PHF14: variants seen among roughly 807,000 people sequenced by gnomAD.
PHF14 encodes PHD finger protein 14.
A neutral mutation model predicts 117.9 loss-of-function variants in PHF14; 55 were observed. That is an observed-to-expected ratio of 0.47 (90% CI 0.38 to 0.58). PHF14 has a LOEUF of 0.58. Among genes scored for constraint, PHF14 ranks in the 20% least tolerant of loss-of-function variants. The probability of loss-of-function intolerance (pLI) is 0.00; values close to 1 mark genes in which losing one functional copy is unlikely to be tolerated. For missense variants in PHF14, 978 were observed against 1,122.2 expected (o/e 0.87, Z 1.84); for synonymous variants, 409 against 368.6 (o/e 1.11, Z -1.26).
At chr7:11,004,932 G>A (rs1331256583) in intron 4 of PHF14, among the ~76,000 whole-genome samples, 1 of 151,902 alleles carries the variant, frequency 6.6e-6, no homozygotes, top group Non-Finnish European at 1.5e-5. Flanking sequence ...CACAAGAATA[G>A]CTTGAACCTG....
At chr7:11,119,030 G>A (rs1787676448) in intron 17 of PHF14, among the ~76,000 whole-genome samples, 1 of 151,760 alleles carries the variant, frequency 6.6e-6, no homozygotes, top group East Asian at 1.9e-4. Context: ...TCTAAATTAC[G>A]CTTACTACAA....
At chr7:10,989,340 T>C (rs1271094467) in intron 3 of PHF14, among the ~76,000 whole-genome samples, 1 of 151,970 alleles carries the variant, frequency 6.6e-6, no homozygotes, top group Non-Finnish European at 1.5e-5. Context: ...TAAAAGAATA[T>C]AAAAATATAA....
At chr7:11,060,114 C>G (rs897181090) in intron 14 of PHF14, among the ~76,000 whole-genome samples, 1 of 152,160 alleles carries the variant, frequency 6.6e-6, no homozygotes, top group African/African-American at 2.4e-5. Context: ...TAAGCTCAAG[C>G]AGTCTTCCCC....
At chr7:10,989,894 G>T (rs1481507608) in intron 3 of PHF14, among the ~76,000 whole-genome samples, 1 of 152,148 alleles carries the variant, frequency 6.6e-6, no homozygotes, top group African/African-American at 2.4e-5. Flanking sequence ...ACCTCCCACT[G>T]TATTTGGGAT....
intron 17 of PHF14, among the ~76,000 whole-genome samples, chr7:11,117,352 G>A (rs535447784): frequency 2.4e-4 from 36 of 151,774 alleles, no homozygotes; most frequent in African/African-American, 8.7e-4. Context: ...CATTTTTTGA[G>A]TAGTAATAAT....
intron 6 of PHF14, among the ~76,000 whole-genome samples, chr7:11,025,480 CA>C (rs141750548): frequency 0.012 from 1,771 of 152,260 alleles, 37 homozygotes; most frequent in African/African-American, 0.041. Context: ...ATCTATGCAG[CA>C]AACTTCATTG....
chr7:11,031,291 A>G (rs10263081), intron 7 of PHF14, among the ~76,000 whole-genome samples: 1,959 of 152,248 alleles, frequency 0.013, 39 homozygotes, highest in African/African-American at 0.045. Context: ...GCCTTCTGAC[A>G]TAGTCCTTTA....
intron 16 of PHF14, chr7:11,106,654 T>C: frequency 1.0e-6 from 1 of 983,034 alleles, no homozygotes; most frequent in Non-Finnish European, 1.2e-6. Context: ...AAAGAACTCA[T>C]CGCTACCTGT....
At chr7:11,134,962 T>G (rs1788178139) in intron 17 of PHF14, among the ~76,000 whole-genome samples, 1 of 152,102 alleles carries the variant, frequency 6.6e-6, no homozygotes, top group Non-Finnish European at 1.5e-5. Context: ...GCTGATATCT[T>G]TGTCCTCTGG....
At chr7:11,032,071 C>T (rs143114074) in intron 7 of PHF14, among the ~76,000 whole-genome samples, 3,569 of 151,522 alleles carry the variant, frequency 0.024, 52 homozygotes, top group Middle Eastern at 0.065. Context: ...TTGAGATGAG[C>T]CTGGGCAACA....
chr7:11,152,520 T>A lies in PHF14; in HGVS notation c.2773-16896T>A, dbSNP rs1032858358. Among the ~76,000 whole-genome samples, 3 of 152,180 alleles carry A rather than the reference T, an allele frequency of 2.0e-5. No individual in the cohort carries two copies. The East Asian group carries it at 5.8e-4, about 29-fold the overall frequency. On this transcript the variant is annotated intron_variant, in intron 17 of 17. Transcript: ENST00000634607. Reference sequence around the variant, plus strand: ...TAGGAAGTACTCAAAAAGTCAAAATTATTATTTACTTGATTCCCATGCTTC... The same window carrying A: ...TAGGAAGTACTCAAAAAGTCAAAATAATTATTTACTTGATTCCCATGCTTC...
At chr7:11,005,787 CT>C (rs951270672) in intron 4 of PHF14, among the ~76,000 whole-genome samples, 1,110 of 84,434 alleles carry the variant, frequency 0.013, no homozygotes, top group East Asian at 0.069. Flanking sequence ...AGTAAAAATT[CT>C]TTTTTTTTTT....
At chr7:11,034,612 G>A (rs1304884145) in intron 7 of PHF14, among the ~76,000 whole-genome samples, 9 of 139,814 alleles carry the variant, frequency 6.4e-5, no homozygotes, top group Non-Finnish European at 1.2e-4. Flanking sequence ...GCAGTGGCGC[G>A]ATCTCGGTTA....
At chr7:11,124,680 A>C (rs1046135198) in intron 17 of PHF14, among the ~76,000 whole-genome samples, 2 of 152,156 alleles carry the variant, frequency 1.3e-5, no homozygotes, top group African/African-American at 4.8e-5. Flanking sequence ...GTGATATAAC[A>C]GTAATTCAAA....
intron 17 of PHF14, among the ~76,000 whole-genome samples, chr7:11,137,720 G>A (rs56317450): frequency 0.18 from 26,851 of 150,954 alleles, 2,765 homozygotes; most frequent in East Asian, 0.26. Flanking sequence ...CGATTAGGTG[G>A]GATTACAGGC....
chr7:11,122,858 C>T (rs1266927652), intron 17 of PHF14, among the ~76,000 whole-genome samples: 1 of 152,062 alleles, frequency 6.6e-6, no homozygotes, highest in Non-Finnish European at 1.5e-5. Context: ...AAAACATGCT[C>T]CCTTTGTCTT....
intron 16 of PHF14, among the ~76,000 whole-genome samples, chr7:11,077,575 T>C (rs1043527429): frequency 3.1e-5 from 4 of 128,112 alleles, no homozygotes; most frequent in African/African-American, 1.3e-4. Context: ...CACTCCGGCC[T>C]GGCAACAGAG....
chr7:11,028,535 C>T, intron 6 of PHF14, 146 bp from the exon 7 acceptor site: 1 of 691,180 alleles, frequency 1.4e-6, no homozygotes. Context: ...TCTTGGCTCG[C>T]CTATGATTAT....
rs760246906 is a variant in PHF14, at chr7:11,036,467, C to T, written c.1652C>T (p.Ala551Val). 1.9e-6 allele frequency: 3 copies of T among 1,613,682 alleles called. No homozygotes were observed. The highest frequency in any genetic ancestry group is 2.5e-6 in the Non-Finnish European group (3 of 1,179,664). ...LQQYRAKAEL[A>V]RSTRPQAWVP... Reference sequence around the variant, plus strand: ...CAGTATCGTGCCAAAGCAGAACTAGCTCGATCTACCAGACCCCAGGCCTGG... The same window carrying T: ...CAGTATCGTGCCAAAGCAGAACTAGTTCGATCTACCAGACCCCAGGCCTGG... Residue 551 changes from alanine (A) to valine (V), a missense_variant, in exon 9 of 18, where the codon GCT (alanine) becomes GTT (valine). Ala to Val is a moderately conservative substitution (Grantham distance 64). This residue lies in a region of PHF14 where 237 missense variants were observed against 276.4 expected (regional missense o/e 0.86). Coordinates refer to ENST00000634607, the MANE Select transcript of PHF14 (RefSeq NM_001007157.2).
Sources: gnomAD v4.1 joint callset for allele counts (sites outside exome capture counted in the v4.1 genomes callset) on GRCh38, gnomAD v4.1.1 for gene constraint, gnomAD v4.1.1 regional missense constraint, MANE v1.5 for transcripts, NCBI Gene and HGNC (gene_info 2026-07-23, HGNC 2026-07-21) for gene names.